MAPK14: variants seen among roughly 807,000 people sequenced by gnomAD.
MAPK14 encodes mitogen-activated protein kinase 14.
In MAPK14, 16 loss-of-function variants were observed where a neutral mutation model predicts 49.6. That is an observed-to-expected ratio of 0.32 (90% CI 0.22 to 0.49). MAPK14 has a LOEUF of 0.49. MAPK14 is among the 20% of genes least tolerant of loss of function. The pLI is 0.99. For missense variants in MAPK14, 200 were observed against 441.2 expected, an observed-to-expected ratio of 0.45 and a Z score of 4.90; for synonymous variants, 142 against 158.0, an observed-to-expected ratio of 0.90 and a Z score of 0.76.
intron 4 of MAPK14, 39 bp downstream of exon 4, chr6:36,073,023 C>A (rs761547939): frequency 2.4e-6 from 3 of 1,244,852 alleles, no homozygotes; most frequent in Admixed American, 1.7e-5. Flanking sequence ...AAAATGAATT[C>A]TCCCTTTCTC....
chr6:36,033,388 C>T (rs1481632728), intron 1 of MAPK14, among the ~76,000 whole-genome samples: 1 of 151,592 alleles, frequency 6.6e-6, no homozygotes, highest in Non-Finnish European at 1.5e-5. Context: ...GCAATCTCGG[C>T]TCACGGCAGC....
intron 9 of MAPK14, chr6:36,096,532 AT>A (rs1048279688): frequency 6.5e-6 from 1 of 154,686 alleles, no homozygotes; most frequent in Non-Finnish European, 1.4e-5. Flanking sequence ...TAAAATGTAC[AT>A]TGTCTGCACA....
chr6:36,063,354 G>T (rs555157782), intron 3 of MAPK14, among the ~76,000 whole-genome samples: 1 of 152,126 alleles, frequency 6.6e-6, no homozygotes, highest in East Asian at 1.9e-4. Context: ...TTGGGAGGCC[G>T]AGGTGGGCAG....
intron 1 of MAPK14, among the ~76,000 whole-genome samples, chr6:36,031,962 T>A (rs1762561062): frequency 6.6e-6 from 1 of 152,078 alleles, no homozygotes; most frequent in Non-Finnish European, 1.5e-5. Flanking sequence ...TTATTTATTT[T>A]GTAGAGATAG....
chr6:36,036,734 T>TATTC (rs60608463), intron 1 of MAPK14, among the ~76,000 whole-genome samples: 1 of 121,904 alleles, frequency 8.2e-6, no homozygotes, highest in Non-Finnish European at 1.8e-5. Flanking sequence ...AGCAAAAAAA[T>TATTC]ATTTATTTAT....
rs560997978 is a variant in MAPK14, at chr6:36,028,366, G to A, written c.116+93G>A. On this transcript the variant is annotated intron_variant, in intron 1 of 11. Coordinates refer to ENST00000229794, the MANE Select transcript of MAPK14 (RefSeq NM_139012.3). This position sits in a 1 kb window ranked among gnomAD's most constrained non-coding sequence, Gnocchi z 5.1. ...TCCACTGCTCAGCGTTGCGTCAAGTGGCAGGAATTTTCCTCGGGGGAGGGC... is the reference window on the plus strand; with the variant it reads ...TCCACTGCTCAGCGTTGCGTCAAGTAGCAGGAATTTTCCTCGGGGGAGGGC... 1 of 885,510 alleles carries A rather than the reference G, an allele frequency of 1.1e-6. No homozygotes were observed. Among genetic ancestry groups the A allele is most frequent in the East Asian group, 2.7e-5 (1 of 37,548 alleles). The allele number at this position is 885,510 out of a possible 1,614,324, so 54.9% of individuals were successfully genotyped here.
In MAPK14 at chr6:36,107,646, G is replaced by A. The variant is rs909940934; in HGVS notation, c.1015+18G>A. 1.3e-6 allele frequency: 2 copies of A among 1,518,986 alleles called. No individual in the cohort carries two copies. Among genetic ancestry groups the A allele is most frequent in the Non-Finnish European group, 1.8e-6 (2 of 1,132,214 alleles). 94.1% of individuals were successfully genotyped at this position (1,518,986 alleles called of 1,614,324 possible). A position where few individuals can be genotyped will look rare whatever the true frequency, so the allele number is the denominator to read the frequency against. ...GTGGAAAAGTAAGTCCTAAGGGTAG[G>A]ATTAACATCTTGAACCACTAACCAA... On this transcript the variant is annotated intron_variant, in intron 11 of 11. Transcript: ENST00000229794. This position sits in a 1 kb window ranked among gnomAD's most constrained non-coding sequence, Gnocchi z 4.3.
chr6:36,051,323 CT>C (rs1454915190), intron 1 of MAPK14, among the ~76,000 whole-genome samples: 4 of 152,092 alleles, frequency 2.6e-5, no homozygotes, highest in African/African-American at 9.7e-5. Flanking sequence ...CTTGGTCAGA[CT>C]GGTCTCGAGC....
chr6:36,120,181 TGTG>T, the MAPK14 span, among the ~76,000 whole-genome samples: 3 of 152,218 alleles, frequency 2.0e-5, no homozygotes, highest in African/African-American at 7.2e-5. Context: ...TTCACAGGAT[TGTG>T]GTGAGGGTTA....
At chr6:36,029,158 G>A (rs904598976) in intron 1 of MAPK14, 4 of 152,116 alleles carry the variant, frequency 2.6e-5, no homozygotes, top group African/African-American at 9.7e-5. Context: ...ACAGTGCTGG[G>A]AGGTATTGTA....
At chr6:36,102,211 CCCCTCTA>C (rs1158617673) in intron 9 of MAPK14, among the ~76,000 whole-genome samples, 1 of 152,248 alleles carries the variant, frequency 6.6e-6, no homozygotes, top group East Asian at 1.9e-4. Flanking sequence ...GGAATACCAA[CCCCTCTA>C]CCAATTTAGC....
intron 8 of MAPK14, among the ~76,000 whole-genome samples, chr6:36,093,409 C>T (rs1457820317): frequency 6.6e-6 from 1 of 152,016 alleles, no homozygotes; most frequent in Non-Finnish European, 1.5e-5. Context: ...AGCCTGTCTT[C>T]CTTAGAGAGA....
At chr6:36,089,967 T>C (rs916546850) in intron 8 of MAPK14, among the ~76,000 whole-genome samples, 3 of 152,246 alleles carry the variant, frequency 2.0e-5, no homozygotes. Flanking sequence ...TGTTTTCCTT[T>C]TCTCCATAAT....
At position 36,111,019 on chromosome 6, in the gene MAPK14, C is replaced by T. The variant is rs1765959142; in HGVS notation, c.*2572C>T. The T allele has an allele frequency of 6.6e-6, 1 of 152,152 alleles. No individual in the cohort carries two copies. The highest frequency in any genetic ancestry group is 2.4e-5 in the African/African-American group (1 of 41,446). 9.4% of individuals were successfully genotyped at this position (152,152 alleles called of 1,614,324 possible). ...CATTGGGGCCTGTCTTATCTACACT[C>T]GAGTGTAAGAGTGGCCGAAATGACA... On this transcript the variant is annotated 3_prime_UTR_variant, in exon 12 of 12. Transcript: ENST00000229794.
At chr6:36,119,168 G>A in the MAPK14 span, among the ~76,000 whole-genome samples, 1 of 152,160 alleles carries the variant, frequency 6.6e-6, no homozygotes, top group Non-Finnish European at 1.5e-5. Flanking sequence ...AGTGATCTGT[G>A]TCAATAAATG....
At chr6:36,113,202 G>A (rs1323053744), downstream of MAPK14, among the ~76,000 whole-genome samples, 1 of 152,090 alleles carries the variant, frequency 6.6e-6, no homozygotes, top group Non-Finnish European at 1.5e-5. Flanking sequence ...TTAGCCAGGT[G>A]TGGTGGTGCA....
chr6:36,040,689 A>T (rs777246904), intron 1 of MAPK14, among the ~76,000 whole-genome samples: 7 of 152,214 alleles, frequency 4.6e-5, no homozygotes, highest in Non-Finnish European at 5.9e-5. Context: ...TGTCATTGTC[A>T]TGGCCCCAAC....
At chr6:36,064,538 G>C (rs1763968989) in intron 3 of MAPK14, among the ~76,000 whole-genome samples, 1 of 152,174 alleles carries the variant, frequency 6.6e-6, no homozygotes, top group Non-Finnish European at 1.5e-5. Flanking sequence ...TAGAAGGGAA[G>C]ACCTACAACA....
At chr6:36,062,822 T>G (rs1444500284) in intron 3 of MAPK14, among the ~76,000 whole-genome samples, 1 of 151,948 alleles carries the variant, frequency 6.6e-6, no homozygotes, top group East Asian at 1.9e-4. Context: ...CATGCCTGGT[T>G]AATTTTTGTA....
Sources: gnomAD v4.1 joint callset for allele counts (sites outside exome capture counted in the v4.1 genomes callset) on GRCh38, gnomAD v4.1.1 for gene constraint, Gnocchi (gnomAD v3.1) non-coding constraint, MANE v1.5 for transcripts, NCBI Gene and HGNC (gene_info 2026-07-23, HGNC 2026-07-21) for gene names.